PTN: variants seen among roughly 807,000 people sequenced by gnomAD.
PTN encodes heparin affin regulatory protein.
PTN carries 18 observed loss-of-function variants against 24.1 expected under a neutral mutation model. The ratio of observed to expected loss-of-function variants is 0.75; its 90% confidence interval spans 0.52 to 1.11. PTN has a LOEUF of 1.11. Among genes scored for constraint, PTN ranks in the 50% least tolerant of loss-of-function variants. The pLI is 0.00. For synonymous variants in PTN, 78 were observed against 68.6 expected (o/e 1.14, Z -0.67); for missense variants, 163 against 198.8 (o/e 0.82, Z 1.08).
At chr7:137,262,799 T>C (rs1190759440) in intron 1 of PTN, among the ~76,000 whole-genome samples, 1 of 152,206 alleles carries the variant, frequency 6.6e-6, no homozygotes, top group Non-Finnish European at 1.5e-5. Context: ...ATGTCTGGAA[T>C]CTATAGATAA....
chr7:137,318,360 C>A (rs1810107935), intron 1 of PTN, among the ~76,000 whole-genome samples: 1 of 152,198 alleles, frequency 6.6e-6, no homozygotes, highest in African/African-American at 2.4e-5. Flanking sequence ...TCATCTCTCT[C>A]TTGCTGGCCC....
At chr7:137,230,042 G>A (rs73727896) in intron 4 of PTN, among the ~76,000 whole-genome samples, 2,664 of 151,796 alleles carry the variant, frequency 0.018, 70 homozygotes, top group African/African-American at 0.062. Flanking sequence ...TATCTTCTAG[G>A]TCTCCAGTAG....
chr7:137,242,110 G>A (rs1252922597), intron 4 of PTN, among the ~76,000 whole-genome samples: 2 of 152,178 alleles, frequency 1.3e-5, no homozygotes, highest in African/African-American at 4.8e-5. Flanking sequence ...TTTAGCTGGG[G>A]AGAGAATTGA....
intron 1 of PTN, among the ~76,000 whole-genome samples, chr7:137,299,488 C>T (rs1026789131): frequency 5.3e-5 from 8 of 151,918 alleles, no homozygotes; most frequent in Non-Finnish European, 2.9e-5. Flanking sequence ...TGCTGCACTA[C>T]TCCCCATAAG....
At chr7:137,334,406 AG>A (rs1340774751) in intron 1 of PTN, among the ~76,000 whole-genome samples, 2 of 49,594 alleles carry the variant, frequency 4.0e-5, no homozygotes, top group Admixed American at 2.6e-4. Flanking sequence ...ACTTCTCAAA[AG>A]AAGACATTTA....
At chr7:137,291,753 G>A (rs1241078231) in intron 1 of PTN, among the ~76,000 whole-genome samples, 1 of 152,082 alleles carries the variant, frequency 6.6e-6, no homozygotes, top group Non-Finnish European at 1.5e-5. Context: ...TAAGTTAAGG[G>A]AAATTGTCTT....
chr7:137,286,806 G>A lies in PTN; in HGVS notation c.-1-31832C>T, dbSNP rs145894431. Among the ~76,000 whole-genome samples, 27 of 152,244 alleles carry A rather than the reference G, an allele frequency of 1.8e-4. No individual in the cohort carries two copies. In the East Asian group the frequency reaches 1.9e-3, roughly 11 times the overall value. On this transcript the variant is annotated intron_variant, in intron 1 of 4. Transcript: ENST00000348225. ...ATGGTACTAAACTTTCTTCTTCAAA[G>A]CATGTTTCCATACTTAGTTGGACTA...
chr7:137,278,396 T>C (rs1280195796), intron 1 of PTN, among the ~76,000 whole-genome samples: 1 of 150,780 alleles, frequency 6.6e-6, no homozygotes, highest in Non-Finnish European at 1.5e-5. Context: ...GACCCAATTG[T>C]ATGCTATCTA....
chr7:137,267,211 C>T (rs1488727543), intron 1 of PTN, among the ~76,000 whole-genome samples: 1 of 151,680 alleles, frequency 6.6e-6, no homozygotes, highest in Admixed American at 6.6e-5. Flanking sequence ...TTTGTCTCTT[C>T]CTCTCTTTCT....
intron 1 of PTN, among the ~76,000 whole-genome samples, chr7:137,340,053 T>C (rs2128884140): frequency 6.6e-6 from 1 of 152,346 alleles, no homozygotes; most frequent in South Asian, 2.1e-4. Flanking sequence ...AAACTGGATA[T>C]GATTTTTTTC....
At chr7:137,337,230 T>C (rs1230350116) in intron 1 of PTN, among the ~76,000 whole-genome samples, 2 of 152,188 alleles carry the variant, frequency 1.3e-5, no homozygotes, top group South Asian at 2.1e-4. Context: ...TGTACATACA[T>C]TGGATTTGGG....
chr7:137,289,673 G>A (rs1051345481), intron 1 of PTN, among the ~76,000 whole-genome samples: 1 of 152,098 alleles, frequency 6.6e-6, no homozygotes, highest in African/African-American at 2.4e-5. Flanking sequence ...TGGTCTCTAT[G>A]AGCTAAGTGG....
At chr7:137,299,840 ACCCTAGAATCATGGTAG>A (rs1191999269) in intron 1 of PTN, among the ~76,000 whole-genome samples, 3 of 151,908 alleles carry the variant, frequency 2.0e-5, no homozygotes, top group African/African-American at 7.2e-5. Flanking sequence ...CCCTGTCCTG[ACCCTAGAATCATGGTAG>A]CCCCCAGGTA....
chr7:137,243,252 C>A (rs1451519869), intron 4 of PTN, among the ~76,000 whole-genome samples: 1 of 152,168 alleles, frequency 6.6e-6, no homozygotes, highest in Non-Finnish European at 1.5e-5. Context: ...ACAGTTTATA[C>A]AAAGCCGTTA....
At chr7:137,250,251 T>G (rs971661944) in intron 4 of PTN, among the ~76,000 whole-genome samples, 1 of 152,186 alleles carries the variant, frequency 6.6e-6, no homozygotes, top group African/African-American at 2.4e-5. Context: ...TTATTTATTG[T>G]CTTGCAGTTC....
At chr7:137,284,393 T>TAG (rs1809522683) in intron 1 of PTN, among the ~76,000 whole-genome samples, 1 of 152,170 alleles carries the variant, frequency 6.6e-6, no homozygotes, top group Non-Finnish European at 1.5e-5. Context: ...TCTTTTTTTC[T>TAG]AACTTTCTTT....
At chr7:137,258,446 C>T (rs920935624) in intron 1 of PTN, among the ~76,000 whole-genome samples, 4 of 152,146 alleles carry the variant, frequency 2.6e-5, no homozygotes, top group Non-Finnish European at 4.4e-5. Flanking sequence ...TCAACAACAG[C>T]TTTGAATTGA....
chr7:137,241,393 C>A (rs922027602), intron 4 of PTN, among the ~76,000 whole-genome samples: 1 of 152,132 alleles, frequency 6.6e-6, no homozygotes, highest in African/African-American at 2.4e-5. Flanking sequence ...AAACTTTACT[C>A]AAAACACACT....
At chr7:137,300,673 G>A (rs750441717) in intron 1 of PTN, among the ~76,000 whole-genome samples, 11 of 151,946 alleles carry the variant, frequency 7.2e-5, no homozygotes, top group East Asian at 3.9e-4. Context: ...TCAGCACAGC[G>A]GATCTCCCAA....
Sources: allele counts gnomAD v4.1 joint callset (sites outside exome capture counted in the v4.1 genomes callset), GRCh38; gene constraint gnomAD v4.1.1; transcripts MANE v1.5; gene names NCBI Gene and HGNC (gene_info 2026-07-23, HGNC 2026-07-21).